NKAIN3: variants seen among roughly 807,000 people sequenced by gnomAD.
NKAIN3 encodes sodium/potassium-transporting ATPase subunit beta-1-interacting protein 3.
A neutral mutation model predicts 30.2 loss-of-function variants in NKAIN3; 25 were observed. The ratio of observed to expected loss-of-function variants is 0.83; its 90% CI spans 0.60 to 1.16. The LOEUF is 1.16. Among genes scored for constraint, NKAIN3 ranks in the 50% most tolerant of loss-of-function variants. NKAIN3 has a pLI of 0.00. For missense variants in NKAIN3, 225 were observed against 254.1 expected, an observed-to-expected ratio of 0.89 and a Z score of 0.78; for synonymous variants, 91 against 89.6, an observed-to-expected ratio of 1.02 and a Z score of -0.09.
intron 1 of NKAIN3, among the ~76,000 whole-genome samples, chr8:62,276,513 C>G (rs1812968421): frequency 6.6e-6 from 1 of 152,180 alleles, no homozygotes; most frequent in Non-Finnish European, 1.5e-5. Context: ...AAGCTCTGTA[C>G]TAATGAGCAG....
chr8:62,803,876 TAAAG>T (rs990457365), intron 4 of NKAIN3, among the ~76,000 whole-genome samples: 1 of 151,448 alleles, frequency 6.6e-6, no homozygotes, highest in African/African-American at 2.4e-5. Context: ...GCAAGACTAA[TAAAG>T]AAGAAAAGAA....
chr8:62,774,591 GT>G (rs1224092108), intron 4 of NKAIN3, among the ~76,000 whole-genome samples: 1 of 151,854 alleles, frequency 6.6e-6, no homozygotes, highest in Non-Finnish European at 1.5e-5. Flanking sequence ...TCTTTACTCA[GT>G]TTTTTTAGGG....
At chr8:62,269,432 AG>A (rs1812706000) in intron 1 of NKAIN3, among the ~76,000 whole-genome samples, 1 of 152,160 alleles carries the variant, frequency 6.6e-6, no homozygotes, top group Non-Finnish European at 1.5e-5. Context: ...TTTGAGAAAG[AG>A]TAGACAGTAT....
At chr8:62,348,911 C>T (rs1340638492) in intron 1 of NKAIN3, among the ~76,000 whole-genome samples, 2 of 152,136 alleles carry the variant, frequency 1.3e-5, no homozygotes, top group Non-Finnish European at 2.9e-5. Context: ...CAAGTAATGT[C>T]TTGCTCGTGC....
At chr8:62,869,753 G>C (rs1173340096) in intron 4 of NKAIN3, among the ~76,000 whole-genome samples, 1 of 151,590 alleles carries the variant, frequency 6.6e-6, no homozygotes, top group Non-Finnish European at 1.5e-5. Flanking sequence ...TTTTTCCTTT[G>C]TTTGTTTCTG....
intron 4 of NKAIN3, among the ~76,000 whole-genome samples, chr8:62,784,968 G>A (rs1817468273): frequency 6.6e-6 from 1 of 152,168 alleles, no homozygotes; most frequent in Non-Finnish European, 1.5e-5. Flanking sequence ...ACAAATGTGG[G>A]TGAAGATGTA....
chr8:62,806,846 A>G (rs1352896823), intron 4 of NKAIN3, among the ~76,000 whole-genome samples: 3 of 151,758 alleles, frequency 2.0e-5, no homozygotes, highest in Non-Finnish European at 4.4e-5. Flanking sequence ...AAAATAAAAT[A>G]AAAACAATAT....
At chr8:62,396,537 C>G (rs944824663) in intron 1 of NKAIN3, among the ~76,000 whole-genome samples, 2 of 152,116 alleles carry the variant, frequency 1.3e-5, no homozygotes, top group African/African-American at 4.8e-5. Context: ...CTTAAGATAC[C>G]AATGTGTTTA....
chr8:62,503,887 T>C (rs1208629876), intron 1 of NKAIN3, among the ~76,000 whole-genome samples: 5 of 152,152 alleles, frequency 3.3e-5, no homozygotes, highest in African/African-American at 1.2e-4. Context: ...TACAATCAAT[T>C]TGTACAGTTA....
intron 1 of NKAIN3, among the ~76,000 whole-genome samples, chr8:62,506,437 GC>G (rs1325236220): frequency 2.0e-5 from 3 of 146,846 alleles, no homozygotes; most frequent in Admixed American, 6.8e-5. Context: ...TAGGACATGT[GC>G]ATTTTTATTT....
chr8:62,800,005 A>T (rs939599702), intron 4 of NKAIN3, among the ~76,000 whole-genome samples: 1 of 152,182 alleles, frequency 6.6e-6, no homozygotes, highest in Non-Finnish European at 1.5e-5. Context: ...AGATATGAGG[A>T]CGCAATGCAT....
chr8:62,507,493 A>C (rs1283041709), intron 1 of NKAIN3, among the ~76,000 whole-genome samples: 2 of 152,194 alleles, frequency 1.3e-5, no homozygotes, highest in Non-Finnish European at 2.9e-5. Flanking sequence ...CCTAAAATTA[A>C]TACACATTCC....
chr8:62,299,185 A>G (rs1015970758), intron 1 of NKAIN3, among the ~76,000 whole-genome samples: 6 of 152,116 alleles, frequency 3.9e-5, no homozygotes, highest in African/African-American at 1.4e-4. Context: ...TTGTTGTTCT[A>G]TCATTTTTTG....
intron 1 of NKAIN3, among the ~76,000 whole-genome samples, chr8:62,401,628 G>C (rs1198382302): frequency 2.0e-5 from 3 of 152,104 alleles, no homozygotes; most frequent in Non-Finnish European, 4.4e-5. Context: ...GTTACTGCAG[G>C]CATATCTGCA....
Position 62,895,985 on chromosome 8 carries a change from C to CTT in NKAIN3, c.472-22460_472-22459dup, listed in dbSNP as rs59333584. Among the ~76,000 whole-genome samples the CTT allele has an allele frequency of 8.7e-3, 1,306 of 150,688 alleles. 16 individuals are homozygous for CTT. Among genetic ancestry groups the CTT allele is most frequent in the South Asian group, 0.048 (228 of 4,772 alleles). ...CACCATCCTGAAGCCTAGATCCTGG[C>CTT]TTTTTTTTTCTTTTTTTGCTTCATT... On this transcript the variant is annotated intron_variant, in intron 4 of 6. Coordinates refer to ENST00000623646, the MANE Select transcript of NKAIN3 (RefSeq NM_001304533.3).
intron 1 of NKAIN3, among the ~76,000 whole-genome samples, chr8:62,277,185 A>G (rs940433584): frequency 2.0e-5 from 3 of 152,204 alleles, no homozygotes; most frequent in Non-Finnish European, 2.9e-5. Context: ...AGCATATTTC[A>G]GCTACATTTT....
intron 3 of NKAIN3, among the ~76,000 whole-genome samples, chr8:62,607,377 G>T (rs2130171638): frequency 6.6e-6 from 1 of 152,222 alleles, no homozygotes; most frequent in Admixed American, 6.5e-5. Context: ...GTGTACAAAT[G>T]GGCACTGTCA....
chr8:62,430,261 C>T (rs1804950420), intron 1 of NKAIN3, among the ~76,000 whole-genome samples: 1 of 151,482 alleles, frequency 6.6e-6, no homozygotes, highest in Admixed American at 6.6e-5. Context: ...TTGATGGACA[C>T]TTGGGTTGCT....
intron 4 of NKAIN3, among the ~76,000 whole-genome samples, chr8:62,880,223 A>T (rs1345524396): frequency 6.6e-6 from 1 of 152,172 alleles, no homozygotes; most frequent in Non-Finnish European, 1.5e-5. Context: ...AAGGAAACAC[A>T]TGTAATAAGT....
Sources: gnomAD v4.1 joint callset for allele counts (sites outside exome capture counted in the v4.1 genomes callset) on GRCh38, gnomAD v4.1.1 for gene constraint, MANE v1.5 for transcripts, NCBI Gene and HGNC (gene_info 2026-07-23, HGNC 2026-07-21) for gene names.